The following PATJ variants were observed in gnomAD, a reference collection of about 807,000 sequenced individuals.
The protein encoded by PATJ is inaD-like protein.
PATJ carries 190 observed loss-of-function variants against 224.9 expected under a neutral mutation model. That is an observed-to-expected ratio of 0.84 (90% CI 0.75 to 0.95). The LOEUF (loss-of-function observed/expected upper bound fraction) is 0.95. PATJ is among the 40% of genes least tolerant of loss of function. PATJ has a pLI of 0.00. For synonymous variants in PATJ, 769 were observed against 820.3 expected, an observed-to-expected ratio of 0.94 and a Z score of 1.07; for missense variants, 2,121 against 2,270.3, an observed-to-expected ratio of 0.93 and a Z score of 1.34.
At chr1:61,823,307 A>T (rs1570720241) in intron 15 of PATJ, among the ~76,000 whole-genome samples, 1 of 152,210 alleles carries the variant, frequency 6.6e-6, no homozygotes, top group Non-Finnish European at 1.5e-5. Context: ...TAAATGAATG[A>T]CTAGGAAAGA....
chr1:62,075,064 C>T (rs977195386), intron 31 of PATJ, among the ~76,000 whole-genome samples: 9 of 152,130 alleles, frequency 5.9e-5, no homozygotes, highest in South Asian at 2.1e-4. Context: ...AGAGCTAGGG[C>T]GAATCCTAAA....
At chr1:62,021,349 A>G (rs1647069210) in intron 29 of PATJ, among the ~76,000 whole-genome samples, 1 of 152,196 alleles carries the variant, frequency 6.6e-6, no homozygotes, top group Non-Finnish European at 1.5e-5. Context: ...CTGCCTATTA[A>G]TACCTTCATG....
chr1:61,824,429 CT>C (rs33949343), intron 15 of PATJ, among the ~76,000 whole-genome samples: 13 of 138,248 alleles, frequency 9.4e-5, no homozygotes, highest in African/African-American at 1.1e-4. Flanking sequence ...ACCTTTTTTC[CT>C]TTTTTTTTTT....
chr1:61,825,502 CGT>C (rs5774575), intron 15 of PATJ, among the ~76,000 whole-genome samples: 3 of 150,324 alleles, frequency 2.0e-5, no homozygotes, highest in Non-Finnish European at 4.4e-5. Flanking sequence ...CTCAAAGTGT[CGT>C]GTGTGTGTGT....
At chr1:61,779,641 A>G (rs1647136266) in intron 7 of PATJ, among the ~76,000 whole-genome samples, 1 of 152,130 alleles carries the variant, frequency 6.6e-6, no homozygotes, top group African/African-American at 2.4e-5. Flanking sequence ...CGTATTCATT[A>G]CCCCCAGCAG....
chr1:61,956,894 A>C (rs867531051), intron 27 of PATJ, among the ~76,000 whole-genome samples: 1 of 152,228 alleles, frequency 6.6e-6, no homozygotes, highest in Non-Finnish European at 1.5e-5. Flanking sequence ...CAGGCAGATA[A>C]TCTGTGTTTT....
chr1:62,063,775 G>T (rs536638285), intron 31 of PATJ, among the ~76,000 whole-genome samples: 2 of 152,186 alleles, frequency 1.3e-5, no homozygotes, highest in African/African-American at 4.8e-5. Flanking sequence ...TTGTAAATGG[G>T]ATTGCATTCC....
intron 17 of PATJ, among the ~76,000 whole-genome samples, chr1:61,852,140 AAG>A (rs1662925382): frequency 6.6e-6 from 1 of 151,184 alleles, no homozygotes; most frequent in African/African-American, 2.4e-5. Flanking sequence ...AAAAAAAAAA[AAG>A]AGGTGTAGGG....
chr1:61,761,675 T>G (rs1189283872), intron 1 of PATJ, among the ~76,000 whole-genome samples: 1 of 151,732 alleles, frequency 6.6e-6, no homozygotes, highest in Non-Finnish European at 1.5e-5. Flanking sequence ...CCTCTGGGTG[T>G]TCCTCTATTT....
At chr1:62,050,894 A>C in intron 30 of PATJ, 72 bp from the exon 31 acceptor site, 2 of 1,081,058 alleles carry the variant, frequency 1.9e-6, no homozygotes, top group Non-Finnish European at 2.8e-6. Context: ...AATGACATTG[A>C]GTATCTGTAC....
rs1270138144 is a variant in PATJ, at chr1:61,905,738, A to G, written c.3382-2634A>G. Among the ~76,000 whole-genome samples, 5 of 152,080 alleles carry G rather than the reference A, an allele frequency of 3.3e-5. No individual in the cohort carries two copies. The East Asian group carries it at 9.7e-4, about 29-fold the overall frequency. ...ACCAGCAATGTGTAAGTTTCTCCAT[A>G]TTCTTACCAACCTTTTCCCTTTACT... On this transcript the variant is annotated intron_variant, in intron 24 of 43. Coordinates refer to ENST00000642238, the MANE Select transcript of PATJ (RefSeq NM_001350145.3).
intron 31 of PATJ, among the ~76,000 whole-genome samples, chr1:62,076,402 G>A (rs1658316137): frequency 6.6e-6 from 1 of 152,132 alleles, no homozygotes; most frequent in Non-Finnish European, 1.5e-5. Flanking sequence ...GACCTATAAA[G>A]TCCATCTCAG....
chr1:62,107,041 C>A (rs1663150498), intron 33 of PATJ, among the ~76,000 whole-genome samples: 1 of 151,936 alleles, frequency 6.6e-6, no homozygotes, highest in Non-Finnish European at 1.5e-5. Flanking sequence ...GGTGCAGTGG[C>A]TCACACCTGT....
intron 37 of PATJ, 49 bp from the exon 38 acceptor site, chr1:62,121,132 G>A (rs777840918): frequency 6.9e-6 from 8 of 1,160,350 alleles, no homozygotes; most frequent in Non-Finnish European, 8.9e-6. Flanking sequence ...TGCATTTAGG[G>A]GGTCAAGTCA....
At position 62,018,087 on chromosome 1, in the gene PATJ, T is replaced by G; in HGVS notation, c.3959+140T>G. The G allele has an allele frequency of 1.9e-6, 1 of 532,122 alleles. No individual in the cohort carries two copies. The highest frequency in any genetic ancestry group is 3.5e-6 in the Non-Finnish European group (1 of 287,874). The allele number at this position is 532,122 out of a possible 1,614,324, so 33.0% of individuals were successfully genotyped here. On this transcript the variant is annotated intron_variant, in intron 29 of 43. Transcript: ENST00000642238. This position sits in a 1 kb window ranked among gnomAD's most constrained non-coding sequence, Gnocchi z 4.2. Reference sequence around the variant, plus strand: ...ATATATTCCTTTTGTAACTGTCACTTCAAGAAAAGTATTGATTGTTTTGAT... The same window carrying G: ...ATATATTCCTTTTGTAACTGTCACTGCAAGAAAAGTATTGATTGTTTTGAT...
intron 30 of PATJ, among the ~76,000 whole-genome samples, chr1:62,046,076 C>T (rs1208122419): frequency 6.6e-6 from 1 of 152,086 alleles, no homozygotes. Flanking sequence ...GTGGTGCATG[C>T]ATGTAGTCCC....
At chr1:61,776,234 T>G (rs1646906123) in intron 7 of PATJ, among the ~76,000 whole-genome samples, 1 of 152,236 alleles carries the variant, frequency 6.6e-6, no homozygotes, top group African/African-American at 2.4e-5. Context: ...GTTTGGTCTG[T>G]GGGCCTCTGG....
chr1:61,768,147 CAG>C (rs1646392986), intron 4 of PATJ, among the ~76,000 whole-genome samples: 1 of 151,994 alleles, frequency 6.6e-6, no homozygotes, highest in African/African-American at 2.4e-5. Flanking sequence ...GTGGCCTTTT[CAG>C]AGTCTTTTGA....
chr1:62,157,303 G>GCA (rs1669328777), intron 43 of PATJ, among the ~76,000 whole-genome samples: 1 of 150,044 alleles, frequency 6.7e-6, no homozygotes, highest in Non-Finnish European at 1.5e-5. Flanking sequence ...CAGCCTGGAT[G>GCA]ACAGAGCAAG....
Sources: gnomAD v4.1 joint callset for allele counts (sites outside exome capture counted in the v4.1 genomes callset) on GRCh38, gnomAD v4.1.1 for gene constraint, Gnocchi (gnomAD v3.1) non-coding constraint, MANE v1.5 for transcripts, NCBI Gene and HGNC (gene_info 2026-07-23, HGNC 2026-07-21) for gene names.